VPS13A: variants seen among roughly 807,000 people sequenced by gnomAD.
The protein encoded by VPS13A is vacuolar protein sorting 13 homolog A.
VPS13A carries 264 observed loss-of-function variants against 390.9 expected under a neutral mutation model. The ratio of observed to expected loss-of-function variants is 0.68; its 90% CI spans 0.61 to 0.75. The LOEUF (loss-of-function observed/expected upper bound fraction) is 0.75, where lower values mean the gene tolerates loss of function less well. Ranked by LOEUF, VPS13A falls within the 30% of genes least tolerant of loss-of-function variation. VPS13A has a pLI of 0.00. For missense variants in VPS13A, 3,409 were observed against 3,733.9 expected (o/e 0.91, Z 2.27); for synonymous variants, 1,231 against 1,227.1 (o/e 1.00, Z -0.07).
chr9:77,293,617 T>G (rs1161635192), intron 32 of VPS13A, 109 bp downstream of exon 32: 2 of 608,498 alleles, frequency 3.3e-6, no homozygotes, highest in Non-Finnish European at 4.9e-6. Flanking sequence ...TTTTCTGATT[T>G]TTTAAATCTT....
At chr9:77,377,143 T>A (rs1228557928) in intron 67 of VPS13A, among the ~76,000 whole-genome samples, 1 of 151,970 alleles carries the variant, frequency 6.6e-6, no homozygotes, top group Non-Finnish European at 1.5e-5. Flanking sequence ...GTTTTATAGT[T>A]TGTAATGTAC....
At chr9:77,302,226 G>A (rs1484247676) in intron 33 of VPS13A, among the ~76,000 whole-genome samples, 2 of 151,786 alleles carry the variant, frequency 1.3e-5, no homozygotes, top group Non-Finnish European at 2.9e-5. Context: ...CCAAAGTGCT[G>A]GGATTACAAG....
chr9:77,405,994 TGAATA>T lies in VPS13A; in HGVS notation c.9399+10_9399+14del. ...ATTGCGCATTGAAGCAAAGGTATGT[TGAATA>T]GATTTATTTTTTGAAAACTTGGAAC... On this transcript the variant is annotated splice_region_variant and intron_variant, in intron 70 of 71. Transcript: ENST00000360280. The T allele has an allele frequency of 1.2e-6, 2 of 1,613,406 alleles. No homozygotes were observed. The highest frequency in any genetic ancestry group is 1.7e-6 in the Non-Finnish European group (2 of 1,179,934).
At chr9:77,291,989 T>G (rs1318637534) in intron 31 of VPS13A, among the ~76,000 whole-genome samples, 1 of 152,168 alleles carries the variant, frequency 6.6e-6, no homozygotes, top group Non-Finnish European at 1.5e-5. Context: ...TATTTTATTC[T>G]TGTCCCTAGG....
At chr9:77,371,968 A>AT (rs1832794797) in intron 67 of VPS13A, among the ~76,000 whole-genome samples, 1 of 146,412 alleles carries the variant, frequency 6.8e-6, no homozygotes, top group Admixed American at 6.8e-5. Context: ...ATGTCCCTAC[A>AT]AAGGACATGA....
chr9:77,324,457 T>C (rs1829901998), intron 45 of VPS13A, among the ~76,000 whole-genome samples: 1 of 152,108 alleles, frequency 6.6e-6, no homozygotes, highest in South Asian at 2.1e-4. Flanking sequence ...TTTATCAGAG[T>C]TGATTTTGGA....
intron 71 of VPS13A, among the ~76,000 whole-genome samples, chr9:77,414,054 A>T (rs995269613): frequency 6.6e-6 from 1 of 152,226 alleles, no homozygotes; most frequent in South Asian, 2.1e-4. Flanking sequence ...ATCTCACACC[A>T]GTTAGAATGG....
intron 10 of VPS13A, among the ~76,000 whole-genome samples, chr9:77,214,723 G>A (rs939561717): frequency 2.0e-5 from 3 of 152,154 alleles, no homozygotes; most frequent in Non-Finnish European, 4.4e-5. Flanking sequence ...AGGCTAGCTA[G>A]TACAGCCTTT....
intron 2 of VPS13A, 30 bp downstream of exon 2, chr9:77,200,018 G>T (rs1413685233): frequency 1.3e-6 from 2 of 1,554,674 alleles, no homozygotes; most frequent in African/African-American, 1.4e-5. Context: ...AATTTGTAAA[G>T]TTATTGCATT....
At chr9:77,319,195 CAAAAA>C (rs5898533) in intron 41 of VPS13A, among the ~76,000 whole-genome samples, 1 of 123,508 alleles carries the variant, frequency 8.1e-6, no homozygotes, top group African/African-American at 3.0e-5. Context: ...GACCCAGACT[CAAAAA>C]AAAAAAAAAG....
chr9:77,248,465 A>G (rs1587415117), intron 20 of VPS13A, among the ~76,000 whole-genome samples: 2 of 150,320 alleles, frequency 1.3e-5, no homozygotes, highest in Admixed American at 1.3e-4. Context: ...TGATCTGCCC[A>G]CCTCGGCCTC....
At chr9:77,183,162 A>G (rs968659252) in intron 1 of VPS13A, among the ~76,000 whole-genome samples, 1 of 152,230 alleles carries the variant, frequency 6.6e-6, no homozygotes, top group East Asian at 1.9e-4. Context: ...GTGCCTCTCC[A>G]TATACCCATT....
At chr9:77,209,648 A>G (rs1241043308) in intron 6 of VPS13A, 116 bp downstream of exon 6, 10 of 685,060 alleles carry the variant, frequency 1.5e-5, no homozygotes, top group Non-Finnish European at 2.5e-5. Context: ...TTACAGAGCT[A>G]AAGATGATGT....
intron 23 of VPS13A, among the ~76,000 whole-genome samples, chr9:77,262,474 T>C (rs1419645519): frequency 6.6e-6 from 1 of 152,158 alleles, no homozygotes; most frequent in East Asian, 1.9e-4. Flanking sequence ...GGGATACATG[T>C]GCAGAACATG....
chr9:77,177,878 C>T, intron 1 of VPS13A, 74 bp downstream of exon 1: 2 of 1,374,752 alleles, frequency 1.5e-6, no homozygotes, highest in East Asian at 2.5e-5. Context: ...CGGCGTCCTG[C>T]GTTCTCGGGG....
chr9:77,309,079 A>G (rs1018279867), intron 35 of VPS13A, among the ~76,000 whole-genome samples: 2 of 152,200 alleles, frequency 1.3e-5, no homozygotes, highest in African/African-American at 4.8e-5. Flanking sequence ...GAAGTAGACA[A>G]ACAAAAAAGA....
intron 68 of VPS13A, among the ~76,000 whole-genome samples, chr9:77,391,808 T>C (rs2131630065): frequency 6.6e-6 from 1 of 152,294 alleles, no homozygotes; most frequent in Admixed American, 6.5e-5. Context: ...ATATATAAAA[T>C]TGAATTTTTG....
In VPS13A at chr9:77,314,017, G is replaced by A. The variant is rs1472184411; in HGVS notation, c.4140G>A (p.Val1380=). ...SGGATVVTAA[V]VEVHSRALLV... ...GAGCAACTGTGGTGACAGCTGCTGT[G>A]GTAGAAGTACATTCACGTGCCTTAC... The change falls in exon 36 of 72, where the codon GTG becomes GTA. Residue 1380 remains valine, a synonymous_variant. Transcript: ENST00000360280. 2.5e-6 allele frequency: 4 copies of A among 1,612,966 alleles called. No individual in the cohort carries two copies. Among genetic ancestry groups the A allele is most frequent in the Non-Finnish European group, 3.4e-6 (4 of 1,179,516 alleles).
intron 59 of VPS13A, among the ~76,000 whole-genome samples, chr9:77,363,602 G>T (rs567477076): frequency 6.8e-6 from 1 of 147,220 alleles, no homozygotes; most frequent in African/African-American, 2.6e-5. Context: ...AGTAGAGACA[G>T]GGTTTCACCA....
Sources: gnomAD v4.1 joint callset for allele counts (sites outside exome capture counted in the v4.1 genomes callset) on GRCh38, gnomAD v4.1.1 for gene constraint, MANE v1.5 for transcripts, NCBI Gene and HGNC (gene_info 2026-07-23, HGNC 2026-07-21) for gene names.